Variants in NKAIN3 observed in about 807,000 individuals in gnomAD.
The protein encoded by NKAIN3 is sodium/potassium transporting ATPase interacting 3, also known as sodium/potassium-transporting ATPase subunit beta-1-interacting protein 3.
NKAIN3 carries 25 observed loss-of-function variants against 30.2 expected under a neutral mutation model. That is an observed-to-expected ratio of 0.83 (90% CI 0.60 to 1.16). NKAIN3 has a LOEUF of 1.16. Ranked by LOEUF, NKAIN3 falls within the 50% of genes most tolerant of loss-of-function variation. The pLI is 0.00. For synonymous variants in NKAIN3, 91 were observed against 89.6 expected (o/e 1.02, Z -0.09); for missense variants, 225 against 254.1 (o/e 0.89, Z 0.78).
chr8:62,565,483 A>G (rs1193180709), intron 1 of NKAIN3, among the ~76,000 whole-genome samples: 1 of 152,094 alleles, frequency 6.6e-6, no homozygotes, highest in Non-Finnish European at 1.5e-5. Flanking sequence ...CTGATTTTAC[A>G]GAGGGGAAAC....
At chr8:62,483,810 T>C (rs1585858756) in intron 1 of NKAIN3, 1 of 222,268 alleles carries the variant, frequency 4.5e-6, no homozygotes, top group Non-Finnish European at 8.9e-6. Context: ...GGCTGCCCCC[T>C]TTCCCTAGCT....
chr8:62,319,363 C>A (rs1009142040), intron 1 of NKAIN3, among the ~76,000 whole-genome samples: 9 of 152,050 alleles, frequency 5.9e-5, no homozygotes, highest in African/African-American at 1.9e-4. Flanking sequence ...TTATTTCTTG[C>A]CTTCTGGTAG....
intron 1 of NKAIN3, among the ~76,000 whole-genome samples, chr8:62,485,295 T>G (rs1208431691): frequency 1.3e-5 from 2 of 152,208 alleles, no homozygotes; most frequent in Non-Finnish European, 2.9e-5. Flanking sequence ...CTCGAGAGGC[T>G]TTAGAAAGCT....
chr8:62,875,556 G>T (rs1351527725), intron 4 of NKAIN3, among the ~76,000 whole-genome samples: 2 of 152,138 alleles, frequency 1.3e-5, no homozygotes, highest in African/African-American at 4.8e-5. Flanking sequence ...GAGGCATCAC[G>T]CTACCTGACT....
intron 1 of NKAIN3, among the ~76,000 whole-genome samples, chr8:62,431,924 T>TCCCAACAC (rs1316708141): frequency 7.8e-6 from 1 of 128,932 alleles, no homozygotes; most frequent in African/African-American, 3.2e-5. Flanking sequence ...CTATAACTGA[T>TCCCAACAC]TTGTGGTTAG....
At chr8:62,524,224 A>AT (rs1808235799) in intron 1 of NKAIN3, among the ~76,000 whole-genome samples, 3 of 137,398 alleles carry the variant, frequency 2.2e-5, no homozygotes, top group African/African-American at 5.1e-5. Flanking sequence ...CCCCCCACCA[A>AT]AATATATATA....
intron 1 of NKAIN3, among the ~76,000 whole-genome samples, chr8:62,288,911 C>T (rs1813474970): frequency 6.6e-6 from 1 of 152,136 alleles, no homozygotes; most frequent in South Asian, 2.1e-4. Context: ...CTGTTGTTAC[C>T]TGACTTTTTA....
chr8:62,832,532 G>A (rs1819230370), intron 4 of NKAIN3, among the ~76,000 whole-genome samples: 1 of 147,418 alleles, frequency 6.8e-6, no homozygotes. Context: ...ACACTCATAG[G>A]CTCAAAGTAA....
chr8:62,822,404 T>C (rs1239305872), intron 4 of NKAIN3, among the ~76,000 whole-genome samples: 1 of 152,130 alleles, frequency 6.6e-6, no homozygotes, highest in Admixed American at 6.6e-5. Context: ...TTTAAAGCAT[T>C]TTACCTTAAC....
chr8:62,363,324 G>C lies in NKAIN3; in HGVS notation c.54+114197G>C, dbSNP rs553826884. On this transcript the variant is annotated intron_variant, in intron 1 of 6. Transcript: ENST00000623646. ...GATGGGCCAGGGTCTTGTAAGGAGA[G>C]CTCACTTTTTGGAATGGATCTTCCT... Among the ~76,000 whole-genome samples, 71 of 152,254 alleles carry C rather than the reference G, an allele frequency of 4.7e-4. 1 individual carries two copies. The South Asian group carries it at 0.015, about 32-fold the overall frequency.
intron 1 of NKAIN3, among the ~76,000 whole-genome samples, chr8:62,375,382 C>A (rs1817041322): frequency 6.6e-6 from 1 of 152,090 alleles, no homozygotes. Context: ...GATAGCACAC[C>A]CTGGAAATGA....
rs1585756032 is a variant in NKAIN3, at chr8:62,393,489, TC to T, written c.54+144364del. On this transcript the variant is annotated intron_variant, in intron 1 of 6. Transcript: ENST00000623646. ...GTCAATCCTTATGCCAATCTCATAC[TC>T]CTTAGAGTGCTTTTATTGTAAATCT... 2.6e-5 allele frequency among the ~76,000 whole-genome samples: 4 copies of T among 152,138 alleles called. No individual in the cohort carries two copies. The East Asian group carries it at 5.8e-4, about 22-fold the overall frequency.
At chr8:62,833,180 G>A (rs1819250528) in intron 4 of NKAIN3, among the ~76,000 whole-genome samples, 1 of 152,034 alleles carries the variant, frequency 6.6e-6, no homozygotes, top group African/African-American at 2.4e-5. Flanking sequence ...TCTTTGGGAT[G>A]CAGCAAAAGC....
chr8:62,526,212 C>T (rs528589941), intron 1 of NKAIN3, among the ~76,000 whole-genome samples: 5 of 152,172 alleles, frequency 3.3e-5, no homozygotes, highest in African/African-American at 1.2e-4. Context: ...TGACATAACA[C>T]AGTACACAGT....
At chr8:62,625,624 G>T (rs1040282088) in intron 3 of NKAIN3, among the ~76,000 whole-genome samples, 5 of 152,114 alleles carry the variant, frequency 3.3e-5, no homozygotes, top group African/African-American at 1.2e-4. Context: ...TGTGATAAAT[G>T]TGACAATAAT....
chr8:62,861,489 G>C (rs936107635), intron 4 of NKAIN3, among the ~76,000 whole-genome samples: 1 of 152,180 alleles, frequency 6.6e-6, no homozygotes, highest in African/African-American at 2.4e-5. Flanking sequence ...GAAAGCCAAG[G>C]CTAGCCCTGG....
intron 1 of NKAIN3, among the ~76,000 whole-genome samples, chr8:62,386,027 G>A (rs1447160757): frequency 1.3e-5 from 2 of 152,130 alleles, no homozygotes; most frequent in Non-Finnish European, 2.9e-5. Flanking sequence ...TCCACATGGT[G>A]GTCTCAGTGT....
chr8:62,608,515 G>A (rs918174105), intron 3 of NKAIN3, among the ~76,000 whole-genome samples: 6 of 152,066 alleles, frequency 3.9e-5, no homozygotes, highest in East Asian at 3.9e-4. Flanking sequence ...GGCTTCCCTC[G>A]CTTGGCCGTC....
At chr8:62,865,082 C>T (rs1586285456) in intron 4 of NKAIN3, among the ~76,000 whole-genome samples, 3 of 152,072 alleles carry the variant, frequency 2.0e-5, no homozygotes. Context: ...GAAAAAAATA[C>T]GCTATGTTGG....
Sources: gnomAD v4.1 joint callset for allele counts (sites outside exome capture counted in the v4.1 genomes callset) on GRCh38, gnomAD v4.1.1 for gene constraint, MANE v1.5 for transcripts, NCBI Gene and HGNC (gene_info 2026-07-23, HGNC 2026-07-21) for gene names.